The following KATNAL1 variants were observed in gnomAD, a reference collection of about 807,000 sequenced individuals.
The protein encoded by KATNAL1 is katanin catalytic subunit A1 like 1, also known as katanin p60 ATPase-containing subunit A-like 1.
In KATNAL1, 32 loss-of-function variants were observed where a neutral mutation model predicts 55.2. The observed-to-expected ratio is 0.58, with a 90% CI of 0.44 to 0.78. The LOEUF is 0.78. KATNAL1 is among the 30% of genes least tolerant of loss of function. KATNAL1 has a pLI of 0.00. For synonymous variants in KATNAL1, 193 were observed against 193.6 expected (o/e 1.00, Z 0.02); for missense variants, 466 against 600.9 (o/e 0.78, Z 2.35).
At chr13:30,262,796 A>G (rs2137481704) in intron 3 of KATNAL1, among the ~76,000 whole-genome samples, 1 of 152,000 alleles carries the variant, frequency 6.6e-6, no homozygotes, top group South Asian at 2.1e-4. Context: ...AGGTACAAGG[A>G]GGAACTGGTA....
At chr13:30,216,553 C>T (rs900551531) in intron 9 of KATNAL1, among the ~76,000 whole-genome samples, 4 of 152,208 alleles carry the variant, frequency 2.6e-5, no homozygotes, top group East Asian at 1.9e-4. Flanking sequence ...GACTGGAAAA[C>T]GTCTACCTCC....
chr13:30,296,708 C>A, intron 1 of KATNAL1: 1 of 592,378 alleles, frequency 1.7e-6, no homozygotes, highest in Non-Finnish European at 3.3e-6. Flanking sequence ...TGGATGACGG[C>A]GAGGAATATT....
chr13:30,211,497 T>C (rs1487009688), intron 9 of KATNAL1, among the ~76,000 whole-genome samples: 1 of 152,228 alleles, frequency 6.6e-6, no homozygotes, highest in Non-Finnish European at 1.5e-5. Flanking sequence ...TCCCTATTTG[T>C]CCCAAGCCTT....
chr13:30,273,303 C>T (rs1022176241), intron 3 of KATNAL1, among the ~76,000 whole-genome samples: 15 of 152,210 alleles, frequency 9.9e-5, no homozygotes, highest in African/African-American at 2.9e-4. Context: ...GTTCTCTGAA[C>T]CCATTCCATC....
chr13:30,257,846 G>T (rs1011438862), intron 3 of KATNAL1, among the ~76,000 whole-genome samples: 1 of 152,074 alleles, frequency 6.6e-6, no homozygotes, highest in Non-Finnish European at 1.5e-5. Context: ...CCTCTGCTTT[G>T]TAAGTCTTCA....
At chr13:30,237,085 T>C (rs116753428) in intron 6 of KATNAL1, among the ~76,000 whole-genome samples, 109 of 152,298 alleles carry the variant, frequency 7.2e-4, no homozygotes, top group African/African-American at 2.5e-3. Flanking sequence ...CCTCAACAAA[T>C]ACTGCACTTA....
At chr13:30,263,993 A>C (rs1249098449) in intron 3 of KATNAL1, among the ~76,000 whole-genome samples, 3 of 149,066 alleles carry the variant, frequency 2.0e-5, no homozygotes, top group Admixed American at 6.7e-5. Context: ...AGGCTACAGT[A>C]ACCAAAACAG....
intron 3 of KATNAL1, among the ~76,000 whole-genome samples, chr13:30,278,788 TTCAG>T (rs1417303183): frequency 6.6e-6 from 1 of 152,242 alleles, no homozygotes. Context: ...CATTCTTTCT[TTCAG>T]TATTTATTTT....
chr13:30,275,025 G>C (rs1248911432), intron 3 of KATNAL1, among the ~76,000 whole-genome samples: 2 of 151,826 alleles, frequency 1.3e-5, no homozygotes, highest in South Asian at 2.1e-4. Flanking sequence ...GCCAGATACA[G>C]AAAGACACAT....
intron 2 of KATNAL1, 70 bp downstream of exon 2, chr13:30,283,546 C>A: frequency 5.8e-6 from 8 of 1,374,110 alleles, no homozygotes; most frequent in South Asian, 3.4e-5. Flanking sequence ...TTAGATTTTC[C>A]AACTCTAATC....
Position 30,205,757 on chromosome 13 carries a change from T to C in KATNAL1, c.*2783A>G, listed in dbSNP as rs1873062085. The stretch of plus-strand genomic sequence containing the variant: ...TGTCTTCTGCAATAAAGACTGTGTG[T>C]GTGTGTGTGTGTGTGTGTGTGTGTG... On this transcript the variant is annotated 3_prime_UTR_variant, in exon 11 of 11. Coordinates refer to ENST00000380615, the MANE Select transcript of KATNAL1 (RefSeq NM_032116.5). 9.6e-6 allele frequency: 1 copy of C among 103,736 alleles called. No individual in the cohort carries two copies. Among genetic ancestry groups the C allele is most frequent in the South Asian group, 2.6e-4 (1 of 3,786 alleles). 6.4% of individuals were successfully genotyped at this position (103,736 alleles called of 1,614,324 possible).
rs545070563 is a variant in KATNAL1 at position 30,253,917 on chromosome 13, G to A, written c.492+1530C>T. 1.1e-4 allele frequency among the ~76,000 whole-genome samples: 16 copies of A among 152,240 alleles called. 1 individual carries two copies. The South Asian group carries it at 2.1e-3, about 20-fold the overall frequency. On this transcript the variant is annotated intron_variant, in intron 4 of 10. Coordinates refer to ENST00000380615, the MANE Select transcript of KATNAL1 (RefSeq NM_032116.5). The stretch of plus-strand genomic sequence containing the variant: ...CAGTATCCATGTCTCACTGTGAGAC[G>A]CTGGCAAGTTTTAGCGCTCTGTACC...
intron 1 of KATNAL1, among the ~76,000 whole-genome samples, chr13:30,304,547 C>T (rs558589066): frequency 2.6e-5 from 4 of 152,092 alleles, no homozygotes; most frequent in Non-Finnish European, 5.9e-5. Context: ...GGATTACAGG[C>T]GCGAGCCACT....
chr13:30,292,490 CTGAA>C, intron 1 of KATNAL1, among the ~76,000 whole-genome samples: 1 of 152,132 alleles, frequency 6.6e-6, no homozygotes, highest in African/African-American at 2.4e-5. Flanking sequence ...CTTAGAGAAC[CTGAA>C]TCTATTAAGT....
At chr13:30,276,516 CAAAA>C (rs35974864) in intron 3 of KATNAL1, among the ~76,000 whole-genome samples, 1 of 99,102 alleles carries the variant, frequency 1.0e-5, no homozygotes, top group African/African-American at 3.9e-5. Flanking sequence ...TGAGAGATGG[CAAAA>C]AAAAAAAAAA....
At position 30,301,882 on chromosome 13, in the gene KATNAL1, T is replaced by C. The variant is rs1882878794; in HGVS notation, c.-15+5449A>G. Among the ~76,000 whole-genome samples the C allele has an allele frequency of 2.0e-5, 3 of 152,206 alleles. No homozygotes were observed. In the South Asian group the frequency reaches 6.2e-4, roughly 31 times the overall value. ...ATGAAGTATGTATGTATGTATTTATTTATTTTTGAGGCAAGGTCTCACTCT... is the reference window on the plus strand; with the variant it reads ...ATGAAGTATGTATGTATGTATTTATCTATTTTTGAGGCAAGGTCTCACTCT... On this transcript the variant is annotated intron_variant, in intron 1 of 10. Coordinates refer to ENST00000380615, the MANE Select transcript of KATNAL1 (RefSeq NM_032116.5).
In KATNAL1 at chr13:30,267,574, CAAAG is replaced by C. The variant is rs562050682; in HGVS notation, c.324-11963_324-11960del. 1.2e-3 allele frequency among the ~76,000 whole-genome samples: 179 copies of C among 152,228 alleles called. 1 individual carries two copies. Among genetic ancestry groups the C allele is most frequent in the Non-Finnish European group, 2.0e-3 (137 of 68,002 alleles). ...TCAACTCAAATATAAACAAGTCACA[CAAAG>C]AAAACAAATTGTAAGATAAGCCCCT... is the stretch of plus-strand genomic sequence containing the variant. On this transcript the variant is annotated intron_variant, in intron 3 of 10. Coordinates refer to ENST00000380615, the MANE Select transcript of KATNAL1 (RefSeq NM_032116.5).
Position 30,287,726 on chromosome 13 carries a change from G to A in KATNAL1, c.-14-3935C>T, listed in dbSNP as rs1254813793. Among the ~76,000 whole-genome samples the A allele has an allele frequency of 5.3e-5, 8 of 152,258 alleles. No homozygotes were observed. The South Asian group carries it at 1.7e-3, about 32-fold the overall frequency. ...TAATAAATCCAGTAGAAACAAAGAT[G>A]CTCTATAAATTATTTCCCTTTAAAG... On this transcript the variant is annotated intron_variant, in intron 1 of 10. Coordinates refer to ENST00000380615, the MANE Select transcript of KATNAL1 (RefSeq NM_032116.5).
chr13:30,223,636 T>C lies in KATNAL1; in HGVS notation c.1147+3776A>G, dbSNP rs542489773. Among the ~76,000 whole-genome samples, 366 of 152,066 alleles carry C rather than the reference T, an allele frequency of 2.4e-3. 1 individual carries two copies. The highest frequency in any genetic ancestry group is 3.9e-3 in the Non-Finnish European group (262 of 67,998). On this transcript the variant is annotated intron_variant, in intron 9 of 10. Coordinates refer to ENST00000380615, the MANE Select transcript of KATNAL1 (RefSeq NM_032116.5). ...ATACAGAGGCATTGCATAATGGTAA[T>C]AGGACCGAGAAGATGTAACAATGAT...
Sources: gnomAD v4.1 joint callset for allele counts (sites outside exome capture counted in the v4.1 genomes callset) on GRCh38, gnomAD v4.1.1 for gene constraint, MANE v1.5 for transcripts, NCBI Gene and HGNC (gene_info 2026-07-23, HGNC 2026-07-21) for gene names.